Variants in MEI4 observed in about 807,000 individuals in gnomAD.
MEI4 encodes the protein meiosis-specific protein MEI4.
Under a neutral mutation model 31.4 loss-of-function variants are expected in MEI4, and 27 were observed. The observed-to-expected ratio is 0.86, with a 90% CI of 0.63 to 1.19. The LOEUF (loss-of-function observed/expected upper bound fraction) is 1.19, where lower values mean the gene tolerates loss of function less well. Among genes scored for constraint, MEI4 ranks in the 50% most tolerant of loss-of-function variants. The pLI, the probability that MEI4 is intolerant of heterozygous loss-of-function variation, is 0.00. For synonymous variants in MEI4, 122 were observed against 145.4 expected, an observed-to-expected ratio of 0.84 and a Z score of 1.16; for missense variants, 329 against 398.9, an observed-to-expected ratio of 0.82 and a Z score of 1.49.
intron 4 of MEI4, among the ~76,000 whole-genome samples, chr6:77,846,099 A>G (rs531666478): frequency 1.3e-5 from 2 of 151,816 alleles, no homozygotes; most frequent in South Asian, 4.2e-4. Flanking sequence ...TTTATCTTCA[A>G]TATGAATTTC....
At chr6:77,832,587 T>G (rs2127712428) in intron 4 of MEI4, among the ~76,000 whole-genome samples, 1 of 152,212 alleles carries the variant, frequency 6.6e-6, no homozygotes, top group Admixed American at 6.5e-5. Context: ...AATTTTATGT[T>G]ATGTCATTTA....
chr6:77,735,087 T>G (rs186653253), intron 2 of MEI4, among the ~76,000 whole-genome samples: 8,686 of 152,028 alleles, frequency 0.057, 745 homozygotes, highest in African/African-American at 0.17. Context: ...TCATTTCTAC[T>G]TCGGTGAACT....
chr6:77,803,733 T>C (rs949670118), intron 3 of MEI4, among the ~76,000 whole-genome samples: 1 of 152,148 alleles, frequency 6.6e-6, no homozygotes, highest in Non-Finnish European at 1.5e-5. Context: ...TTGCTGGAGG[T>C]CCACTCCAGA....
At chr6:77,879,683 C>T (rs192359531) in intron 4 of MEI4, among the ~76,000 whole-genome samples, 399 of 152,272 alleles carry the variant, frequency 2.6e-3, no homozygotes, top group Admixed American at 4.9e-3. Flanking sequence ...ACCTTTGTGG[C>T]CATCTGCGGT....
At chr6:77,818,382 A>G (rs985904600) in intron 3 of MEI4, among the ~76,000 whole-genome samples, 1 of 152,150 alleles carries the variant, frequency 6.6e-6, no homozygotes, top group Non-Finnish European at 1.5e-5. Flanking sequence ...CTATATTTAT[A>G]TCAGTCCAAT....
chr6:77,901,599 T>C (rs1012016101), intron 4 of MEI4, among the ~76,000 whole-genome samples: 1 of 152,088 alleles, frequency 6.6e-6, no homozygotes, highest in Non-Finnish European at 1.5e-5. Context: ...CTTTCTTATA[T>C]ATTTTTAATA....
chr6:77,814,587 C>T (rs1769648095), intron 3 of MEI4, among the ~76,000 whole-genome samples: 1 of 152,126 alleles, frequency 6.6e-6, no homozygotes, highest in Non-Finnish European at 1.5e-5. Context: ...AAAGCTGAAT[C>T]ATGCAAACAA....
intron 4 of MEI4, 109 bp from the exon 5 acceptor site, chr6:77,922,980 A>C: frequency 1.8e-6 from 1 of 570,346 alleles, no homozygotes; most frequent in Non-Finnish European, 2.6e-6. Context: ...AGAAGGTGTT[A>C]AATATTTCAA....
At chr6:77,737,208 T>G (rs1767270730) in intron 2 of MEI4, among the ~76,000 whole-genome samples, 1 of 152,228 alleles carries the variant, frequency 6.6e-6, no homozygotes, top group African/African-American at 2.4e-5. Flanking sequence ...CAGTATACTT[T>G]CCATAAGTTA....
intron 2 of MEI4, among the ~76,000 whole-genome samples, chr6:77,698,126 T>G (rs1214426654): frequency 6.6e-6 from 1 of 152,210 alleles, no homozygotes; most frequent in East Asian, 1.9e-4. Context: ...TTGGTAGATC[T>G]TCCTCCATCC....
chr6:77,664,107 G>C (rs1442152381), intron 1 of MEI4, among the ~76,000 whole-genome samples: 1 of 152,162 alleles, frequency 6.6e-6, no homozygotes, highest in Non-Finnish European at 1.5e-5. Flanking sequence ...AGATGTGGCT[G>C]GGGTTTGTCT....
chr6:77,661,862 T>C (rs1768517364), intron 1 of MEI4, among the ~76,000 whole-genome samples: 1 of 152,008 alleles, frequency 6.6e-6, no homozygotes. Context: ...AAACTGGCCG[T>C]GAGGGACAGA....
intron 3 of MEI4, among the ~76,000 whole-genome samples, chr6:77,782,373 T>G (rs1768615354): frequency 6.6e-6 from 1 of 152,162 alleles, no homozygotes; most frequent in Admixed American, 6.6e-5. Flanking sequence ...ACTCACAGCT[T>G]TTAAAGTGAC....
At chr6:77,852,890 T>A (rs1770662084) in intron 4 of MEI4, among the ~76,000 whole-genome samples, 1 of 151,996 alleles carries the variant, frequency 6.6e-6, no homozygotes, top group South Asian at 2.1e-4. Context: ...GGAAAAGAAA[T>A]CAATAAAGCC....
chr6:77,652,617 G>A (rs951060603), upstream of MEI4, among the ~76,000 whole-genome samples: 2 of 152,182 alleles, frequency 1.3e-5, no homozygotes, highest in African/African-American at 2.4e-5. Flanking sequence ...ATAACTTAAT[G>A]TTAAAGGATA....
intron 2 of MEI4, among the ~76,000 whole-genome samples, chr6:77,733,680 C>A (rs59374715): frequency 6.6e-6 from 1 of 151,514 alleles, no homozygotes; most frequent in South Asian, 2.1e-4. Flanking sequence ...CTTTTGAATA[C>A]GTTTGCTCTT....
rs1160709370 is a variant in MEI4 at position 77,720,563 on chromosome 6, C to T, written c.232+29660C>T. On this transcript the variant is annotated intron_variant, in intron 2 of 4. Coordinates refer to ENST00000684080, the MANE Select transcript of MEI4 (RefSeq NM_001322247.2). ...ATAATCTTCCAAATGAAGGTACATG[C>T]GTGACACAGACCTCTGGGATTAACT... is the stretch of plus-strand genomic sequence containing the variant. Among the ~76,000 whole-genome samples, 5 of 141,712 alleles carry T rather than the reference C, an allele frequency of 3.5e-5. 1 individual carries two copies. Among genetic ancestry groups the T allele is most frequent in the African/African-American group, 8.0e-5 (3 of 37,352 alleles). 93.0% of individuals were successfully genotyped at this position (141,712 alleles called of 152,430 possible). A position where few individuals can be genotyped will look rare whatever the true frequency, so the allele number is the denominator to read the frequency against.
Position 77,923,294 on chromosome 6 carries a change from G to A in MEI4, c.1106G>A (p.Trp369Ter). ...TTTCCTTTGTTTACTTTTTATTTAT[G>A]GAGAGTGGGCATTCTTTTGAGCTCA... ...DAFPLFTFYL[W>*]RVGILLSSAQ... The change falls in exon 5 of 5, where the codon TGG (tryptophan) becomes TAG (stop). Residue 369 changes from tryptophan to a stop codon, truncating the protein, a stop_gained. Coordinates refer to ENST00000684080, the MANE Select transcript of MEI4 (RefSeq NM_001322247.2). LOFTEE classifies it high-confidence loss of function. The A allele has an allele frequency of 2.4e-6, 3 of 1,230,066 alleles. No individual in the cohort carries two copies. Among genetic ancestry groups the A allele is most frequent in the Non-Finnish European group, 3.0e-6 (3 of 986,564 alleles). 76.2% of individuals were successfully genotyped at this position (1,230,066 alleles called of 1,614,324 possible). A position where few individuals can be genotyped will look rare whatever the true frequency, so the allele number is the denominator to read the frequency against.
At chr6:77,704,597 C>G (rs1221834764) in intron 2 of MEI4, among the ~76,000 whole-genome samples, 1 of 152,152 alleles carries the variant, frequency 6.6e-6, no homozygotes, top group Non-Finnish European at 1.5e-5. Context: ...ATTCCTGATT[C>G]TGTTAAGAAT....
Sources: gnomAD v4.1 joint callset for allele counts (sites outside exome capture counted in the v4.1 genomes callset) on GRCh38, gnomAD v4.1.1 for gene constraint, MANE v1.5 for transcripts, NCBI Gene and HGNC (gene_info 2026-07-23, HGNC 2026-07-21) for gene names.